MTMR7: variants seen among roughly 807,000 people sequenced by gnomAD.
MTMR7 encodes the protein myotubularin related protein 7.
A neutral mutation model predicts 81.2 loss-of-function variants in MTMR7; 76 were observed. That is an observed-to-expected ratio of 0.94 (90% confidence interval 0.78 to 1.13). MTMR7 has a LOEUF of 1.13. Ranked by LOEUF, MTMR7 falls within the 50% of genes most tolerant of loss-of-function variation. The pLI, the probability that MTMR7 is intolerant of heterozygous loss-of-function variation, is 0.00. For synonymous variants in MTMR7, 372 were observed against 289.8 expected (o/e 1.28, Z -2.88); for missense variants, 1,044 against 820.0 (o/e 1.27, Z -3.34).
intron 5 of MTMR7, among the ~76,000 whole-genome samples, chr8:17,344,437 C>A (rs948756314): frequency 1.3e-5 from 2 of 152,066 alleles, no homozygotes; most frequent in Admixed American, 6.6e-5. Context: ...CATGGTGAAA[C>A]CTGTCTCTAC....
intron 10 of MTMR7, among the ~76,000 whole-genome samples, chr8:17,307,202 A>C (rs1019902235): frequency 2.0e-5 from 3 of 152,216 alleles, no homozygotes; most frequent in African/African-American, 7.2e-5. Context: ...AGAAAAAAAC[A>C]ACCCCATCAA....
chr8:17,383,887 A>G (rs1820841629), intron 1 of MTMR7, among the ~76,000 whole-genome samples: 1 of 152,192 alleles, frequency 6.6e-6, no homozygotes, highest in African/African-American at 2.4e-5. Flanking sequence ...GGAACCATGC[A>G]GGAACCAAGC....
intron 7 of MTMR7, among the ~76,000 whole-genome samples, chr8:17,329,802 T>G (rs376244237): frequency 6.6e-5 from 10 of 152,126 alleles, no homozygotes; most frequent in South Asian, 4.1e-4. Flanking sequence ...TCTCCAAAAG[T>G]TGAAGCTGCT....
intron 7 of MTMR7, among the ~76,000 whole-genome samples, chr8:17,325,259 C>G (rs1324459846): frequency 2.6e-5 from 4 of 152,112 alleles, no homozygotes; most frequent in Non-Finnish European, 5.9e-5. Flanking sequence ...AGGCATCCAA[C>G]ATGTGACCGT....
chr8:17,323,822 G>C (rs1426339685), intron 7 of MTMR7, among the ~76,000 whole-genome samples: 1 of 152,112 alleles, frequency 6.6e-6, no homozygotes, highest in African/African-American at 2.4e-5. Flanking sequence ...CAACTGTCTT[G>C]AGTTTGATGG....
rs781400110 is a variant in MTMR7 at position 17,299,700 on chromosome 8, T to A, written c.*162A>T. 17 of 908,602 alleles carry A rather than the reference T, an allele frequency of 1.9e-5. No homozygotes were observed. The highest frequency in any genetic ancestry group is 2.8e-5 in the Non-Finnish European group (17 of 608,202). The allele number at this position is 908,602 out of a possible 1,614,324, so 56.3% of individuals were successfully genotyped here. On this transcript the variant is annotated 3_prime_UTR_variant, in exon 14 of 14. Transcript: ENST00000180173. ...AAATGACTACGTCCTCTTCAGTATC[T>A]AAGAAATCAAGAACTGGGCACTTTT...
At position 17,391,944 on chromosome 8, in the gene MTMR7, T is replaced by C. The variant is rs189708296; in HGVS notation, c.25-18704A>G. Among the ~76,000 whole-genome samples, 69 of 152,328 alleles carry C rather than the reference T, an allele frequency of 4.5e-4. No homozygotes were observed. The East Asian group carries it at 0.011, about 25-fold the overall frequency. ...TACTTTTACTCCCAGAGGCTTCAAC[T>C]AGCTGTCCACCAGGGGAAAGGGCAC... On this transcript the variant is annotated intron_variant, in intron 1 of 13. Coordinates refer to ENST00000180173, the MANE Select transcript of MTMR7 (RefSeq NM_004686.5).
chr8:17,318,230 A>C (rs182687728), intron 7 of MTMR7, among the ~76,000 whole-genome samples: 1 of 152,152 alleles, frequency 6.6e-6, no homozygotes, highest in Non-Finnish European at 1.5e-5. Flanking sequence ...GAAGCCCCCA[A>C]GATAAGGAAT....
intron 10 of MTMR7, among the ~76,000 whole-genome samples, chr8:17,306,272 G>C (rs1817450680): frequency 2.0e-5 from 3 of 151,916 alleles, no homozygotes; most frequent in Admixed American, 6.6e-5. Flanking sequence ...AAGTACATTA[G>C]AACTTTTAAA....
chr8:17,405,861 CA>C (rs1821565034), intron 1 of MTMR7, among the ~76,000 whole-genome samples: 4 of 97,574 alleles, frequency 4.1e-5, no homozygotes, highest in Admixed American at 3.6e-4. Context: ...CACACACACA[CA>C]CACACACACA....
intron 1 of MTMR7, among the ~76,000 whole-genome samples, chr8:17,412,401 A>G (rs940639143): frequency 3.3e-5 from 5 of 152,228 alleles, no homozygotes; most frequent in Non-Finnish European, 7.3e-5. Flanking sequence ...CTGTGGTGGT[A>G]GTAACAACAG....
chr8:17,373,472 A>G (rs991425028), intron 1 of MTMR7, among the ~76,000 whole-genome samples: 2 of 152,196 alleles, frequency 1.3e-5, no homozygotes, highest in African/African-American at 4.8e-5. Flanking sequence ...AGGTACCACA[A>G]AAGATGTGTA....
intron 1 of MTMR7, among the ~76,000 whole-genome samples, chr8:17,388,317 A>G (rs1012313839): frequency 1.3e-5 from 2 of 152,222 alleles, no homozygotes; most frequent in African/African-American, 4.8e-5. Flanking sequence ...GAAGAGGAAA[A>G]GAAGAAAAAA....
At chr8:17,369,641 CTTTTTTTTTTTTTT>C (rs71212689) in intron 3 of MTMR7, among the ~76,000 whole-genome samples, 3 of 106,248 alleles carry the variant, frequency 2.8e-5, no homozygotes, top group East Asian at 2.8e-4. Flanking sequence ...TTCTTTTTTT[CTTTTTTTTTTTTTT>C]TTTTTTTTGA....
intron 5 of MTMR7, among the ~76,000 whole-genome samples, chr8:17,344,415 C>T (rs1819495226): frequency 6.6e-6 from 1 of 152,146 alleles, no homozygotes; most frequent in Non-Finnish European, 1.5e-5. Context: ...AGTTCGAGAC[C>T]AGCCTGGCCA....
intron 7 of MTMR7, among the ~76,000 whole-genome samples, chr8:17,326,078 G>A (rs776498804): frequency 3.9e-5 from 6 of 152,134 alleles, no homozygotes; most frequent in African/African-American, 4.8e-5. Flanking sequence ...TCAAGTTTAC[G>A]CAGAGACTCA....
chr8:17,406,291 C>T (rs1821580406), intron 1 of MTMR7, among the ~76,000 whole-genome samples: 1 of 151,906 alleles, frequency 6.6e-6, no homozygotes, highest in Non-Finnish European at 1.5e-5. Context: ...ATTTTGCAAC[C>T]CAATAATTTA....
At position 17,361,137 on chromosome 8, in the gene MTMR7, C is replaced by A; in HGVS notation, c.448G>T (p.Asp150Tyr). ...CTCACTCTGTAGTCTCTATTCACAT[C>A]GCTGAGCTGCCAGTAATGATTAGGG... ...GLPNHYWQLS[D>Y]VNRDYRVCDS... Residue 150 changes from aspartate to tyrosine, a missense_variant, in exon 4 of 14, where the codon GAT (aspartate) becomes TAT (tyrosine). Asp to Tyr is a radical substitution (Grantham distance 160, BLOSUM62 -3). Transcript: ENST00000180173. The A allele has an allele frequency of 1.9e-6, 3 of 1,614,154 alleles. No homozygotes were observed. Among genetic ancestry groups the A allele is most frequent in the Non-Finnish European group, 2.5e-6 (3 of 1,180,010 alleles).
chr8:17,325,387 C>A (rs923405811), intron 7 of MTMR7, among the ~76,000 whole-genome samples: 1 of 152,208 alleles, frequency 6.6e-6, no homozygotes. Context: ...CGTGGAAGAA[C>A]AGATCGGGTA....
Sources: gnomAD v4.1 joint callset for allele counts (sites outside exome capture counted in the v4.1 genomes callset) on GRCh38, gnomAD v4.1.1 for gene constraint, MANE v1.5 for transcripts, NCBI Gene and HGNC (gene_info 2026-07-23, HGNC 2026-07-21) for gene names.